KMT5C: variants seen among roughly 807,000 people sequenced by gnomAD.
KMT5C encodes the protein histone-lysine N-methyltransferase KMT5C.
In KMT5C, 16 loss-of-function variants were observed where a neutral mutation model predicts 38.2. The ratio of observed to expected loss-of-function variants is 0.42; its 90% CI spans 0.28 to 0.64. The LOEUF is 0.64. Among genes scored for constraint, KMT5C ranks in the 30% least tolerant of loss-of-function variants. KMT5C has a pLI of 0.23. For missense variants in KMT5C, 598 were observed against 665.1 expected (o/e 0.90, Z 1.11); for synonymous variants, 291 against 279.0 (o/e 1.04, Z -0.43).
chr19:55,342,690 G>T, intron 3 of KMT5C, 52 bp from the exon 4 acceptor site: 1 of 1,035,392 alleles, frequency 9.7e-7, no homozygotes, highest in Non-Finnish European at 1.5e-6. Flanking sequence ...GGAGAGAGAG[G>T]GCCAAAGATG....
intron 4 of KMT5C, 104 bp downstream of exon 4, chr19:55,342,955 G>A (rs530042489): frequency 4.3e-4 from 320 of 749,640 alleles, no homozygotes; most frequent in Non-Finnish European, 7.0e-4. Flanking sequence ...GAAAAGCGAG[G>A]GGCCTGGTCC....
In KMT5C at chr19:55,343,820, G is replaced by A. The variant is rs1226985606; in HGVS notation, c.527G>A (p.Gly176Asp). The A allele has an allele frequency of 6.2e-7, 1 of 1,613,638 alleles. No homozygotes were observed. Among genetic ancestry groups the A allele is most frequent in the Non-Finnish European group, 8.5e-7 (1 of 1,179,940 alleles). ...AAGCGGAGTGCTCAGCTGTGGCTGGGCCCAGCCGCCTTCATCAACCATGGT... is the reference window on the plus strand; with the variant it reads ...AAGCGGAGTGCTCAGCTGTGGCTGGACCCAGCCGCCTTCATCAACCATGGT... ...TRKRSAQLWL[G>D]PAAFINHDCK... Residue 176 changes from glycine (G) to aspartate (D), a missense_variant, in exon 5 of 9, where the codon GGC becomes GAC. Transcript: ENST00000255613. The surrounding 1 kb of genome is among the most constrained non-coding windows in gnomAD (Gnocchi z 5.5).
intron 6 of KMT5C, chr19:55,344,624 G>T (rs1181723715): frequency 4.1e-6 from 2 of 492,358 alleles, no homozygotes; most frequent in Non-Finnish European, 8.4e-6. Flanking sequence ...GGGCCCTGTG[G>T]TGGGAGCCCC....
At position 55,342,388 on chromosome 19, in the gene KMT5C, C is replaced by T. The variant is rs946469544; in HGVS notation, c.276+8C>T. ...GCTGCCCTCAAGACCCACGTGAGGG[C>T]GCCCTCCCCTCCCCCGCCCTCACCG... is the stretch of plus-strand genomic sequence containing the variant. On this transcript the variant is annotated splice_region_variant and intron_variant, in intron 3 of 8. Transcript: ENST00000255613. The T allele has an allele frequency of 1.6e-5, 24 of 1,486,954 alleles. No homozygotes were observed. The highest frequency in any genetic ancestry group is 4.4e-4 in the Middle Eastern group (2 of 4,530). 92.1% of individuals were successfully genotyped at this position (1,486,954 alleles called of 1,614,324 possible).
chr19:55,344,818 T>G (rs748903171), intron 6 of KMT5C: 1 of 512,724 alleles, frequency 2.0e-6, no homozygotes, highest in African/African-American at 1.9e-5. Context: ...GTGCACCCTC[T>G]GGAGCACAGA....
At chr19:55,344,808 G>A in intron 6 of KMT5C, 2 of 518,640 alleles carry the variant, frequency 3.9e-6, no homozygotes, top group South Asian at 1.5e-5. Context: ...GGCATTGAGG[G>A]TGCACCCTCT....
At chr19:55,345,101 G>A (rs989231513) in intron 6 of KMT5C, 2 of 455,778 alleles carry the variant, frequency 4.4e-6, no homozygotes, top group African/African-American at 2.0e-5. Context: ...GGGCCAGTGT[G>A]CTCCAGCCAC....
chr19:55,340,678 ATCT>A (rs1317312706), intron 1 of KMT5C, among the ~76,000 whole-genome samples: 3 of 151,374 alleles, frequency 2.0e-5, no homozygotes, highest in South Asian at 2.1e-4. Flanking sequence ...GACACCCAGG[ATCT>A]TCTCCGCCAT....
chr19:55,342,445 G>A (rs564384915), intron 3 of KMT5C, 65 bp downstream of exon 3: 102 of 1,293,134 alleles, frequency 7.9e-5, no homozygotes, highest in African/African-American at 6.1e-4. Flanking sequence ...GCCTGGTCCC[G>A]CCTGGCAGAC....
Position 55,342,415 on chromosome 19 carries a change from G to A in KMT5C, c.276+35G>A, listed in dbSNP as rs199616957. ...CCCTCCCCTCCCCCGCCCTCACCGC[G>A]TGTCCTCCCCGCTCACCGGGCCTGG... On this transcript the variant is annotated intron_variant, in intron 3 of 8. Coordinates refer to ENST00000255613, the MANE Select transcript of KMT5C (RefSeq NM_032701.4). 7.4e-5 allele frequency: 105 copies of A among 1,420,120 alleles called. 1 individual carries two copies. The East Asian group carries it at 2.3e-3, about 31-fold the overall frequency. 88.0% of individuals were successfully genotyped at this position (1,420,120 alleles called of 1,614,324 possible). A position where few individuals can be genotyped will look rare whatever the true frequency, so the allele number is the denominator to read the frequency against.
At chr19:55,344,374 A>G (rs2089594060) in intron 6 of KMT5C, 1 of 283,590 alleles carries the variant, frequency 3.5e-6, no homozygotes. Flanking sequence ...AAAAAAAAAA[A>G]AAAAAGAGCC....
At position 55,342,797 on chromosome 19, in the gene KMT5C, G is replaced by T. The variant is rs766963439; in HGVS notation, c.332G>T (p.Cys111Phe). The T allele has an allele frequency of 6.2e-7, 1 of 1,613,548 alleles. No homozygotes were observed. Among genetic ancestry groups the T allele is most frequent in the South Asian group, 1.1e-5 (1 of 91,076 alleles). The change falls in exon 4 of 9, where the codon TGC (cysteine) becomes TTC (phenylalanine). Residue 111 changes from cysteine (C) to phenylalanine (F), a missense_variant. Cys to Phe is a radical substitution (Grantham distance 205). Around this residue, in one of 3 missense-constraint regions of KMT5C, gnomAD observed 167 missense variants for 187.8 expected, o/e 0.89. Coordinates refer to ENST00000255613, the MANE Select transcript of KMT5C (RefSeq NM_032701.4). ...GAAAGTGGCTTTACCATCCTGCCCT[G>T]CACGCGCTACTCCATGGAGACCAAC... ...LPESGFTILP[C>F]TRYSMETNGA...
At chr19:55,345,722 G>A (rs540512000) in intron 6 of KMT5C, among the ~76,000 whole-genome samples, 1 of 152,290 alleles carries the variant, frequency 6.6e-6, no homozygotes, top group South Asian at 2.1e-4. Flanking sequence ...GCTCCTGGGT[G>A]AATGATCCCA....
At chr19:55,346,708 TC>T in intron 8 of KMT5C, 21 bp downstream of exon 8, 1 of 1,519,864 alleles carries the variant, frequency 6.6e-7, no homozygotes, top group Non-Finnish European at 8.8e-7. Context: ...CTCCCTGCCA[TC>T]CCAGCAGCCC....
chr19:55,346,401 C>T (rs766963242), intron 7 of KMT5C, 52 bp downstream of exon 7: 2 of 1,612,662 alleles, frequency 1.2e-6, no homozygotes, highest in Non-Finnish European at 1.7e-6. Context: ...CTTCTTGAGC[C>T]CAGAAACGCA....
At chr19:55,346,780 A>AGCC in intron 8 of KMT5C, 93 bp downstream of exon 8, 1 of 831,550 alleles carries the variant, frequency 1.2e-6, no homozygotes, top group Non-Finnish European at 1.6e-6. Flanking sequence ...CTAGCCTGGA[A>AGCC]CCCTCCCTCC....
chr19:55,341,570 A>C (rs1040305298), intron 1 of KMT5C: 12 of 281,938 alleles, frequency 4.3e-5, no homozygotes, highest in Middle Eastern at 1.2e-3. Context: ...GTCTCTGTAC[A>C]TATGGGCAGG....
Position 55,347,669 on chromosome 19 carries a change from C to T in KMT5C, c.*220C>T. ...GCCACCCCCACTCCCACAGGGAGCC[C>T]CGGCCATTTGCTGCCCTCCCCACCC... On this transcript the variant is annotated 3_prime_UTR_variant, in exon 9 of 9. Transcript: ENST00000255613. This position sits in a 1 kb window ranked among gnomAD's most constrained non-coding sequence, Gnocchi z 4.6. 2.8e-6 allele frequency: 2 copies of T among 704,366 alleles called. No individual in the cohort carries two copies. The highest frequency in any genetic ancestry group is 4.2e-6 in the Non-Finnish European group (2 of 471,142). The allele number at this position is 704,366 out of a possible 1,614,324, so 43.6% of individuals were successfully genotyped here. A position where few individuals can be genotyped will look rare whatever the true frequency, so the allele number is the denominator to read the frequency against.
intron 1 of KMT5C, among the ~76,000 whole-genome samples, chr19:55,340,568 C>G (rs1042391967): frequency 3.9e-5 from 6 of 151,916 alleles, no homozygotes; most frequent in African/African-American, 1.2e-4. Context: ...GGTCCCCAGG[C>G]CCTTCCCTAG....
Sources: allele counts gnomAD v4.1 joint callset (sites outside exome capture counted in the v4.1 genomes callset), GRCh38; gene constraint gnomAD v4.1.1; regional missense constraint gnomAD v4.1.1; non-coding constraint Gnocchi (gnomAD v3.1); transcripts MANE v1.5; gene names NCBI Gene and HGNC (gene_info 2026-07-23, HGNC 2026-07-21).